Variants in SERAC1 observed in about 807,000 individuals in gnomAD.
SERAC1 encodes the protein protein SERAC1.
A neutral mutation model predicts 85.7 loss-of-function variants in SERAC1; 36 were observed. That is an observed-to-expected ratio of 0.42 (90% CI 0.32 to 0.55). The LOEUF (loss-of-function observed/expected upper bound fraction) is 0.55. SERAC1 is among the 20% of genes least tolerant of loss of function. SERAC1 has a pLI of 0.11. For synonymous variants in SERAC1, 242 were observed against 265.3 expected, an observed-to-expected ratio of 0.91 and a Z score of 0.85; for missense variants, 629 against 796.2, an observed-to-expected ratio of 0.79 and a Z score of 2.53.
chr6:158,132,649 T>C (rs1317228160), intron 8 of SERAC1, among the ~76,000 whole-genome samples: 2 of 152,240 alleles, frequency 1.3e-5, no homozygotes, highest in African/African-American at 2.4e-5. Flanking sequence ...TCATTTGTCT[T>C]GGCCATTTCC....
intron 8 of SERAC1, among the ~76,000 whole-genome samples, chr6:158,141,300 GACAGCTAATGGTT>G (rs1784909723): frequency 6.6e-6 from 1 of 152,236 alleles, no homozygotes; most frequent in African/African-American, 2.4e-5. Flanking sequence ...AATGAGTGGT[GACAGCTAATGGTT>G]ACAGGGTTTC....
At chr6:158,158,579 T>G in intron 1 of SERAC1, 1 of 432,624 alleles carries the variant, frequency 2.3e-6, no homozygotes, top group Non-Finnish European at 4.2e-6. Context: ...TTCATTATTC[T>G]TCCTCACACT....
chr6:158,112,092 C>T (rs1784156706), intron 16 of SERAC1: 1 of 152,420 alleles, frequency 6.6e-6, no homozygotes, highest in Non-Finnish European at 1.5e-5. Flanking sequence ...GGCTATGCCA[C>T]TCCAAGCAGC....
intron 8 of SERAC1, among the ~76,000 whole-genome samples, chr6:158,131,849 TAAATC>T (rs1272369857): frequency 6.6e-6 from 1 of 152,210 alleles, no homozygotes; most frequent in African/African-American, 2.4e-5. Context: ...GGGGGTTAGT[TAAATC>T]AATTATGGTA....
intron 14 of SERAC1, among the ~76,000 whole-genome samples, chr6:158,115,629 G>A (rs1784268256): frequency 6.6e-6 from 1 of 152,152 alleles, no homozygotes; most frequent in Non-Finnish European, 1.5e-5. Flanking sequence ...CAAGGTGGGT[G>A]GTGAAAATTT....
chr6:158,160,866 A>G (rs1305642676), intron 1 of SERAC1: 3 of 152,182 alleles, frequency 2.0e-5, no homozygotes, highest in Non-Finnish European at 4.4e-5. Context: ...AACATCCCAA[A>G]AGAAGTCATT....
intron 9 of SERAC1, among the ~76,000 whole-genome samples, chr6:158,128,721 G>A (rs529358907): frequency 3.3e-5 from 5 of 152,164 alleles, no homozygotes; most frequent in Admixed American, 1.3e-4. Context: ...CGAGACCAGT[G>A]ACCTCTGTGG....
Position 158,119,651 on chromosome 6 carries a change from G to A in SERAC1, c.1167-481C>T, listed in dbSNP as rs935960959. On this transcript the variant is annotated intron_variant, in intron 11 of 16. Transcript: ENST00000647468. This position sits in a 1 kb window ranked among gnomAD's most constrained non-coding sequence, Gnocchi z 4.5. ...GTAACATTCACTCATTGCATATGAC[G>A]CATTAAAAACTGTAGATAGTATGTT... Among the ~76,000 whole-genome samples, 2 of 151,896 alleles carry A rather than the reference G, an allele frequency of 1.3e-5. No individual in the cohort carries two copies. The highest frequency in any genetic ancestry group is 6.6e-5 in the Admixed American group (1 of 15,240).
chr6:158,165,343 G>C (rs1300237490), intron 1 of SERAC1, among the ~76,000 whole-genome samples: 1 of 152,108 alleles, frequency 6.6e-6, no homozygotes, highest in Non-Finnish European at 1.5e-5. Flanking sequence ...TTTTAGTACA[G>C]ACGGGGTTTC....
chr6:158,143,100 A>T lies in SERAC1; in HGVS notation c.694T>A (p.Ser232Thr). 1 of 1,613,468 alleles carries T rather than the reference A, an allele frequency of 6.2e-7. No individual in the cohort carries two copies. Among genetic ancestry groups the T allele is most frequent in the Non-Finnish European group, 8.5e-7 (1 of 1,179,644 alleles). ...ELDECIQYFTSLALSESSQSL... is the reference protein window; with the variant it reads ...ELDECIQYFTTLALSESSQSL... Reference sequence around the variant, plus strand: ...TGACTGCTTTCACTAAGAGCCAAAGATGTAAAATACTGGATACACTCATCT... The same window carrying T: ...TGACTGCTTTCACTAAGAGCCAAAGTTGTAAAATACTGGATACACTCATCT... The change falls in exon 8 of 17, where the codon TCT becomes ACT. Residue 232 changes from serine to threonine, a missense_variant. By Grantham distance (58) the Ser-to-Thr change is moderately conservative (BLOSUM62 1). Transcript: ENST00000647468.
chr6:158,152,576 G>A (rs1785232809), intron 3 of SERAC1, among the ~76,000 whole-genome samples: 2 of 152,154 alleles, frequency 1.3e-5, no homozygotes, highest in South Asian at 2.1e-4. Flanking sequence ...CTATAGTAGT[G>A]TGCAGTAATG....
intron 3 of SERAC1, among the ~76,000 whole-genome samples, chr6:158,154,992 C>G (rs918237556): frequency 4.6e-5 from 7 of 151,962 alleles, no homozygotes; most frequent in Non-Finnish European, 1.0e-4. Context: ...TTAAGCCTGC[C>G]GGAGCTGAGT....
At chr6:158,142,915 C>T in intron 8 of SERAC1, 141 bp downstream of exon 8, 1 of 644,186 alleles carries the variant, frequency 1.6e-6, no homozygotes, top group Admixed American at 3.0e-5. Flanking sequence ...CCCTGTCATC[C>T]CTGACATCCA....
intron 14 of SERAC1, among the ~76,000 whole-genome samples, chr6:158,115,433 T>C (rs1355045463): frequency 2.0e-5 from 3 of 152,178 alleles, no homozygotes; most frequent in Admixed American, 2.0e-4. Context: ...GCACCTTTTC[T>C]TCCATCCCCC....
At chr6:158,145,936 T>C (rs905065307) in intron 6 of SERAC1, 5 of 152,222 alleles carry the variant, frequency 3.3e-5, no homozygotes, top group Non-Finnish European at 7.3e-5. Flanking sequence ...TAAAAATATT[T>C]TTATTGTAAA....
intron 5 of SERAC1, among the ~76,000 whole-genome samples, chr6:158,147,554 A>G (rs770872791): frequency 6.6e-5 from 10 of 150,632 alleles, no homozygotes; most frequent in Non-Finnish European, 1.0e-4. Context: ...AGGTCAGGAG[A>G]TCCAGACCAT....
chr6:158,153,020 G>A (rs1387398886), intron 3 of SERAC1, among the ~76,000 whole-genome samples: 1 of 152,142 alleles, frequency 6.6e-6, no homozygotes, highest in South Asian at 2.1e-4. Flanking sequence ...ATCCAGGCAA[G>A]AAACAGAATG....
Position 158,144,399 on chromosome 6 carries a change from G to A in SERAC1, c.509C>T (p.Ala170Val), listed in dbSNP as rs772515819. The change falls in exon 7 of 17, where the codon GCT (alanine) becomes GTT (valine). Residue 170 changes from alanine to valine, a missense_variant. By Grantham distance (64) the Ala-to-Val change is moderately conservative. Coordinates refer to ENST00000647468, the MANE Select transcript of SERAC1 (RefSeq NM_032861.4). ...AAGAGTTTTCGGATCACAGGCTTGA[G>A]CAATTATCCTATACTGGTAATCTAT... is the stretch of plus-strand genomic sequence containing the variant. ...HWHDYQYRII[A>V]QACDPKTLIG... is the part of the protein sequence containing the mutation. The A allele has an allele frequency of 1.2e-6, 2 of 1,611,848 alleles. No homozygotes were observed. The highest frequency in any genetic ancestry group is 1.1e-5 in the South Asian group (1 of 90,614).
rs370788378 is a variant in SERAC1 at position 158,111,401 on chromosome 6, T to A, written c.1930A>T (p.Ile644Phe). 6.2e-7 allele frequency: 1 copy of A among 1,605,266 alleles called. No individual in the cohort carries two copies. The highest frequency in any genetic ancestry group is 8.5e-7 in the Non-Finnish European group (1 of 1,177,582). ...AFLYQRTLQF[I>F]REALAKDLEN ...AGGTCTTTGGCTAAAGCTTCACGAA[T>A]GAATTGTAAAGTACGCTGGTACAAA... The change falls in exon 17 of 17, where the codon ATT becomes TTT. Residue 644 changes from isoleucine (I) to phenylalanine (F), a missense_variant. Ile to Phe is a conservative substitution (Grantham distance 21). Coordinates refer to ENST00000647468, the MANE Select transcript of SERAC1 (RefSeq NM_032861.4).
Sources: gnomAD v4.1 joint callset for allele counts (sites outside exome capture counted in the v4.1 genomes callset) on GRCh38, gnomAD v4.1.1 for gene constraint, Gnocchi (gnomAD v3.1) non-coding constraint, MANE v1.5 for transcripts, NCBI Gene and HGNC (gene_info 2026-07-23, HGNC 2026-07-21) for gene names.